The following RASGEF1C variants were observed in gnomAD, a reference collection of about 807,000 sequenced individuals.
RASGEF1C encodes ras-GEF domain-containing family member 1C.
Under a neutral mutation model 58.1 loss-of-function variants are expected in RASGEF1C, and 27 were observed. The ratio of observed to expected loss-of-function variants is 0.46; its 90% CI spans 0.34 to 0.64. The LOEUF is 0.64. RASGEF1C is among the 30% of genes least tolerant of loss of function. The probability of loss-of-function intolerance (pLI) is 0.01; values close to 1 mark genes in which losing one functional copy is unlikely to be tolerated. For missense variants in RASGEF1C, 502 were observed against 605.1 expected, an observed-to-expected ratio of 0.83 and a Z score of 1.79; for synonymous variants, 243 against 246.3, an observed-to-expected ratio of 0.99 and a Z score of 0.13.
chr5:180,119,031 G>A (rs7712019), intron 8 of RASGEF1C, among the ~76,000 whole-genome samples, 165 bp from the exon 9 acceptor site: 85,711 of 151,632 alleles, frequency 0.57, 24,862 homozygotes, highest in East Asian at 0.86. Context: ...TGGTCAGGTA[G>A]GCCTGCTGCC....
intron 3 of RASGEF1C, 132 bp from the exon 4 acceptor site, chr5:180,136,647 A>AG: frequency 3.1e-6 from 3 of 975,604 alleles, no homozygotes; most frequent in South Asian, 1.7e-5. Context: ...AGGGAGGAGG[A>AG]GGGGGGTGCG....
At chr5:180,140,307 G>A (rs1766555542) in intron 1 of RASGEF1C, among the ~76,000 whole-genome samples, 1 of 152,202 alleles carries the variant, frequency 6.6e-6, no homozygotes. Flanking sequence ...GGGTCTCAAT[G>A]AATGGGCTTA....
intron 1 of RASGEF1C, among the ~76,000 whole-genome samples, chr5:180,208,524 G>A (rs1756533217): frequency 3.3e-5 from 5 of 152,166 alleles, no homozygotes; most frequent in Admixed American, 3.3e-4. Context: ...TGTTCTCGCA[G>A]GCCCTCTGAT....
intron 1 of RASGEF1C, among the ~76,000 whole-genome samples, chr5:180,138,754 C>G (rs1460251747): frequency 6.6e-6 from 1 of 152,170 alleles, no homozygotes; most frequent in African/African-American, 2.4e-5. Context: ...TCCTCACCGC[C>G]TATCACACCC....
intron 4 of RASGEF1C, among the ~76,000 whole-genome samples, chr5:180,135,523 G>T (rs1356199704): frequency 6.6e-6 from 1 of 152,184 alleles, no homozygotes; most frequent in African/African-American, 2.4e-5. Context: ...GCTGCCCACA[G>T]TGGCGCCCTG....
At chr5:180,136,300 TG>T in intron 4 of RASGEF1C, 77 bp downstream of exon 4, 2 of 1,403,668 alleles carry the variant, frequency 1.4e-6, no homozygotes, top group Non-Finnish European at 1.9e-6. Flanking sequence ...ATGAGGGCCC[TG>T]GGGTGCGGGC....
At chr5:180,106,724 T>A (rs1228306697) in intron 12 of RASGEF1C, among the ~76,000 whole-genome samples, 2 of 152,186 alleles carry the variant, frequency 1.3e-5, no homozygotes, top group African/African-American at 2.4e-5. Flanking sequence ...GGGGCAATTT[T>A]AAAAAATGTG....
At chr5:180,208,136 A>G (rs1429668319) in intron 1 of RASGEF1C, among the ~76,000 whole-genome samples, 1 of 152,006 alleles carries the variant, frequency 6.6e-6, no homozygotes, top group African/African-American at 2.4e-5. Context: ...CAGTCTTACC[A>G]GAGGTGGGAC....
chr5:180,124,820 G>A (rs559563525), intron 6 of RASGEF1C, among the ~76,000 whole-genome samples: 12 of 151,076 alleles, frequency 7.9e-5, no homozygotes, highest in African/African-American at 2.4e-4. Flanking sequence ...GCAAAACTCC[G>A]TCTCAAACAA....
At chr5:180,134,078 C>T (rs191467124) in intron 4 of RASGEF1C, among the ~76,000 whole-genome samples, 2 of 152,334 alleles carry the variant, frequency 1.3e-5, no homozygotes, top group Admixed American at 1.3e-4. Context: ...CCAGGCCCTG[C>T]CTCATCAGTC....
intron 12 of RASGEF1C, among the ~76,000 whole-genome samples, chr5:180,103,298 C>T (rs538597919): frequency 4.6e-5 from 7 of 152,264 alleles, no homozygotes; most frequent in East Asian, 1.9e-4. Context: ...AGGATGGTCT[C>T]GATCTCCTGA....
intron 4 of RASGEF1C, among the ~76,000 whole-genome samples, 160 bp downstream of exon 4, chr5:180,136,218 G>T (rs538306078): frequency 1.3e-5 from 2 of 152,254 alleles, no homozygotes; most frequent in Non-Finnish European, 2.9e-5. Flanking sequence ...CTCCCAGCTC[G>T]GCAGTGCCTG....
intron 10 of RASGEF1C, 46 bp from the exon 11 acceptor site, chr5:180,114,587 A>G: frequency 6.4e-7 from 1 of 1,558,602 alleles, no homozygotes; most frequent in Non-Finnish European, 8.7e-7. Context: ...CCCTCCACAC[A>G]GCGGGCTCCA....
intron 1 of RASGEF1C, among the ~76,000 whole-genome samples, chr5:180,152,651 C>T (rs987336453): frequency 2.0e-5 from 3 of 149,974 alleles, no homozygotes; most frequent in African/African-American, 7.4e-5. Flanking sequence ...CAACATGGCA[C>T]ATGTATACAT....
At chr5:180,170,454 C>T (rs370785191) in intron 1 of RASGEF1C, among the ~76,000 whole-genome samples, 4 of 152,224 alleles carry the variant, frequency 2.6e-5, no homozygotes, top group Non-Finnish European at 4.4e-5. Context: ...GGGCCAGGGA[C>T]GCAAGTTGTA....
At chr5:180,118,890 G>A (rs1423635102) in intron 8 of RASGEF1C, 24 bp from the exon 9 acceptor site, 2 of 1,610,502 alleles carry the variant, frequency 1.2e-6, no homozygotes, top group Non-Finnish European at 1.7e-6. Flanking sequence ...GAGGGTTGGA[G>A]AGGGCTGCTC....
chr5:180,188,569 G>C (rs1264174107), intron 1 of RASGEF1C, among the ~76,000 whole-genome samples: 1 of 152,122 alleles, frequency 6.6e-6, no homozygotes. Flanking sequence ...TGGATAAAAG[G>C]CATCGGTGAG....
At chr5:180,181,943 C>G (rs2113324273) in intron 1 of RASGEF1C, among the ~76,000 whole-genome samples, 1 of 150,936 alleles carries the variant, frequency 6.6e-6, no homozygotes, top group East Asian at 2.0e-4. Context: ...GTGGCTCACG[C>G]CTGTAATCCT....
rs571750124 is a variant in RASGEF1C, at chr5:180,143,556, C to A, written c.-6-5498G>T. 1.0e-3 allele frequency among the ~76,000 whole-genome samples: 153 copies of A among 152,342 alleles called. No individual in the cohort carries two copies. Among genetic ancestry groups the A allele is most frequent in the Non-Finnish European group, 1.8e-3 (120 of 68,026 alleles). ...GGTGGGCCGGCTGTACCAGTGAAAA[C>A]CCACAAGCTCTGCTGTGCTCTGGGA... is the stretch of plus-strand genomic sequence containing the variant. On this transcript the variant is annotated intron_variant, in intron 1 of 13. Transcript: ENST00000361132. This position sits in a 1 kb window ranked among gnomAD's most constrained non-coding sequence, Gnocchi z 4.3.
Sources: allele counts gnomAD v4.1 joint callset (sites outside exome capture counted in the v4.1 genomes callset), GRCh38; gene constraint gnomAD v4.1.1; non-coding constraint Gnocchi (gnomAD v3.1); transcripts MANE v1.5; gene names NCBI Gene and HGNC (gene_info 2026-07-23, HGNC 2026-07-21).